Variants in ZFP36L2 observed in about 807,000 individuals in gnomAD.
ZFP36L2 encodes ZFP36 like 2 zinc finger CCCH-type, also known as mRNA decay activator protein ZFP36L2.
Under a neutral mutation model 27.9 loss-of-function variants are expected in ZFP36L2, and 16 were observed. The observed-to-expected ratio is 0.57, with a 90% CI of 0.39 to 0.87. The LOEUF (loss-of-function observed/expected upper bound fraction) is 0.87, where lower values mean the gene tolerates loss of function less well. Ranked by LOEUF, ZFP36L2 falls within the 40% of genes least tolerant of loss-of-function variation. The pLI is 0.00. For synonymous variants in ZFP36L2, 600 were observed against 363.8 expected (o/e 1.65, Z -7.39); for missense variants, 989 against 726.9 (o/e 1.36, Z -4.15).
chr2:43,225,372 G>A lies in ZFP36L2; in HGVS notation c.432C>T (p.Gly144=), dbSNP rs546559004. 1.1e-5 allele frequency: 18 copies of A among 1,613,464 alleles called. No individual in the cohort carries two copies. In the East Asian group the frequency reaches 3.3e-4, roughly 30 times the overall value. ...LLHLQQQQKG[G]GGSQINSTRY... The stretch of plus-strand genomic sequence containing the variant: ...GCGTGGAGTTGATCTGGGAGCCGCC[G>A]CCCCCCTTCTGCTGCTGCTGCAGGT... The change falls in exon 2 of 2, where the codon GGC becomes GGT. Residue 144 remains glycine (G), a synonymous_variant. Transcript: ENST00000282388.
chr2:43,224,750 C>A lies in ZFP36L2; in HGVS notation c.1054G>T (p.Ala352Ser), dbSNP rs868572680. The A allele has an allele frequency of 6.6e-7, 1 of 1,508,500 alleles. No individual in the cohort carries two copies. The highest frequency in any genetic ancestry group is 1.2e-5 in the South Asian group (1 of 81,490). The allele number at this position is 1,508,500 out of a possible 1,614,324, so 93.4% of individuals were successfully genotyped here. The stretch of plus-strand genomic sequence containing the variant: ...TTGGCGCACGAGGCCGACGAGCAGG[C>A]CGCGCACGGGGCCCCCGGCGCCAGC... ...DLLAPGAPCAACSSASCANNA... is the reference protein window; with the variant it reads ...DLLAPGAPCASCSSASCANNA... The change falls in exon 2 of 2, where the codon GCC becomes TCC. Residue 352 changes from alanine (A) to serine (S), a missense_variant. Physicochemically the swap from Ala to Ser is moderately conservative, Grantham distance 99. Coordinates refer to ENST00000282388, the MANE Select transcript of ZFP36L2 (RefSeq NM_006887.5).
intron 1 of ZFP36L2, 129 bp downstream of exon 1, chr2:43,226,135 CT>C (rs1667097929): frequency 2.2e-6 from 3 of 1,365,664 alleles, no homozygotes; most frequent in Admixed American, 4.2e-5. Flanking sequence ...CTCGGACACT[CT>C]TTTGCAAACC....
At position 43,225,731 on chromosome 2, in the gene ZFP36L2, G is replaced by C. The variant is rs1274350339; in HGVS notation, c.73C>G (p.Leu25Val). The change falls in exon 2 of 2, where the codon CTC becomes GTC. Residue 25 changes from leucine to valine, a missense_variant. Coordinates refer to ENST00000282388, the MANE Select transcript of ZFP36L2 (RefSeq NM_006887.5). Reference protein sequence around the residue: ...LCKTEKSLANLNLNNMLDKKA... With the variant: ...LCKTEKSLANVNLNNMLDKKA... ...TTGTCCAGCATGTTGTTCAGGTTGA[G>C]GTTGGCCAGGGATTTCTCTGTCTGC... 5 of 1,593,628 alleles carry C rather than the reference G, an allele frequency of 3.1e-6. No individual in the cohort carries two copies. The highest frequency in any genetic ancestry group is 4.2e-6 in the Non-Finnish European group (5 of 1,178,050).
chr2:43,226,155 T>C, intron 1 of ZFP36L2, 110 bp downstream of exon 1: 1 of 1,458,830 alleles, frequency 6.9e-7, no homozygotes, highest in Admixed American at 2.0e-5. Flanking sequence ...CCCCGGGACT[T>C]TCCCGACCTG....
chr2:43,224,337 G>A lies in ZFP36L2; in HGVS notation c.1467C>T (p.Leu489=), dbSNP rs769108748. The A allele has an allele frequency of 6.3e-7, 1 of 1,577,910 alleles. No homozygotes were observed. ...PGRRLPIFSR[L]SISDD ...TCTTGCCTCAGTCGTCGGAGATGGAGAGGCGGCTGAAGATTGGCAGGCGGC... is the reference window on the plus strand; with the variant it reads ...TCTTGCCTCAGTCGTCGGAGATGGAAAGGCGGCTGAAGATTGGCAGGCGGC... The change falls in exon 2 of 2, where the codon CTC becomes CTT. Residue 489 remains leucine, a synonymous_variant. Transcript: ENST00000282388.
intron 1 of ZFP36L2, 88 bp from the exon 2 acceptor site, chr2:43,225,840 T>C: frequency 7.3e-7 from 1 of 1,370,914 alleles, no homozygotes; most frequent in Non-Finnish European, 9.8e-7. Context: ...CCCAGCCTGA[T>C]TCTTTTCCTT....
In ZFP36L2 at chr2:43,225,346, C is replaced by T. The variant is rs2103976563; in HGVS notation, c.458G>A (p.Arg153His). 1 of 1,613,458 alleles carries T rather than the reference C, an allele frequency of 6.2e-7. No individual in the cohort carries two copies. The highest frequency in any genetic ancestry group is 8.5e-7 in the Non-Finnish European group (1 of 1,179,986). ...GGGCCGGCACAGCTCGGTCTTGTAG[C>T]GCGTGGAGTTGATCTGGGAGCCGCC... ...GGGGSQINSTRYKTELCRPFE... is the reference protein window; with the variant it reads ...GGGGSQINSTHYKTELCRPFE... The change falls in exon 2 of 2, where the codon CGC becomes CAC. Residue 153 changes from arginine (R) to histidine (H), a missense_variant. Transcript: ENST00000282388.
At position 43,224,999 on chromosome 2, in the gene ZFP36L2, G is replaced by A; in HGVS notation, c.805C>T (p.Gln269Ter). Residue 269 changes from glutamine to a stop codon, truncating the protein, a stop_gained, in exon 2 of 2, where the codon CAG becomes TAG. Transcript: ENST00000282388. LOFTEE classifies it high-confidence loss of function. ...SFSGFPSGHHQPPGGLESPLL... is the reference protein window; with the variant it reads ...SFSGFPSGHH The stretch of plus-strand genomic sequence containing the variant: ...GGCGACTCGAGGCCGCCCGGGGGCT[G>A]ATGGTGGCCCGACGGGAAGCCCGAG... 1 of 1,592,262 alleles carries A rather than the reference G, an allele frequency of 6.3e-7. No individual in the cohort carries two copies. Among genetic ancestry groups the A allele is most frequent in the Non-Finnish European group, 8.5e-7 (1 of 1,177,776 alleles).
chr2:43,226,386 G>A lies in ZFP36L2; in HGVS notation c.-71C>T. On this transcript the variant is annotated 5_prime_UTR_variant, in exon 1 of 2. Coordinates refer to ENST00000282388, the MANE Select transcript of ZFP36L2 (RefSeq NM_006887.5). ...GAGGAGCCCTTGGGGCGGCGTGGCC[G>A]GGCTTGAGCCACGACGAATAACGGG... 6.5e-7 allele frequency: 1 copy of A among 1,540,572 alleles called. No homozygotes were observed. Among genetic ancestry groups the A allele is most frequent in the Non-Finnish European group, 8.8e-7 (1 of 1,137,708 alleles).
Position 43,224,525 on chromosome 2 carries a change from G to A in ZFP36L2, c.1279C>T (p.Pro427Ser), listed in dbSNP as rs1181755861. The A allele has an allele frequency of 6.1e-6, 9 of 1,471,442 alleles. No individual in the cohort carries two copies. Among genetic ancestry groups the A allele is most frequent in the African/African-American group, 1.5e-5 (1 of 68,308 alleles). The allele number at this position is 1,471,442 out of a possible 1,614,324, so 91.1% of individuals were successfully genotyped here. ...LPAGAAAPPSPPFSFQLPRRL... is the reference protein window; with the variant it reads ...LPAGAAAPPSSPFSFQLPRRL... ...CGCGGCAGCTGGAAGCTGAAGGGCG[G>A]CGAGGGAGGTGCGGCGGCCCCGGCG... The change falls in exon 2 of 2, where the codon CCG (proline) becomes TCG (serine). Residue 427 changes from proline to serine, a missense_variant. Coordinates refer to ENST00000282388, the MANE Select transcript of ZFP36L2 (RefSeq NM_006887.5).
At position 43,223,452 on chromosome 2, in the gene ZFP36L2, C is replaced by T. The variant is rs1469879484; in HGVS notation, c.*867G>A. ...CAAAATTTTCATTGTATACTTTTCA[C>T]AAGATAATAAATAAGTTAAATAGTT... On this transcript the variant is annotated 3_prime_UTR_variant, in exon 2 of 2. Coordinates refer to ENST00000282388, the MANE Select transcript of ZFP36L2 (RefSeq NM_006887.5). The T allele has an allele frequency of 6.6e-6, 1 of 152,190 alleles. No individual in the cohort carries two copies. The highest frequency in any genetic ancestry group is 1.9e-4 in the East Asian group (1 of 5,300). The allele number at this position is 152,190 out of a possible 1,614,324, so 9.4% of individuals were successfully genotyped here.
At position 43,226,307 on chromosome 2, in the gene ZFP36L2, G is replaced by C. The variant is rs1459838675; in HGVS notation, c.9C>G (p.Thr3=). The C allele has an allele frequency of 1.3e-6, 2 of 1,586,466 alleles. No individual in the cohort carries two copies. Among genetic ancestry groups the C allele is most frequent in the African/African-American group, 2.7e-5 (2 of 74,292 alleles). ...CATCGTAGAAGGCGGACAGAAGTGT[G>C]GTCGACATGTTTCTGGATCCCGCAG... MS[T]TLLSAFYDVD... Residue 3 remains threonine, a synonymous_variant, in exon 1 of 2, where the codon ACC becomes ACG. Coordinates refer to ENST00000282388, the MANE Select transcript of ZFP36L2 (RefSeq NM_006887.5).
rs182373932 is a variant in ZFP36L2, at chr2:43,226,235, G to A, written c.51+30C>T. The stretch of plus-strand genomic sequence containing the variant: ...GCAAAGTCCAAGAACTACAACGGCT[G>A]CTGCCGGCCGGGCCCGCTCCCTGGC... On this transcript the variant is annotated intron_variant, in intron 1 of 1. Transcript: ENST00000282388. 445 of 1,563,334 alleles carry A rather than the reference G, an allele frequency of 2.8e-4. 2 individuals carry two copies. In the African/African-American group the frequency reaches 5.7e-3, roughly 20 times the overall value.
rs1287505568 is a variant in ZFP36L2, at chr2:43,224,996, G to A, written c.808C>T (p.Pro270Ser). 1 of 1,591,302 alleles carries A rather than the reference G, an allele frequency of 6.3e-7. No homozygotes were observed. Among genetic ancestry groups the A allele is most frequent in the Non-Finnish European group, 8.5e-7 (1 of 1,177,518 alleles). ...AGCGGCGACTCGAGGCCGCCCGGGG[G>A]CTGATGGTGGCCCGACGGGAAGCCC... ...FSGFPSGHHQPPGGLESPLLL... is the reference protein window; with the variant it reads ...FSGFPSGHHQSPGGLESPLLL... The change falls in exon 2 of 2, where the codon CCC becomes TCC. Residue 270 changes from proline to serine, a missense_variant. Physicochemically the swap from Pro to Ser is moderately conservative, Grantham distance 74 (BLOSUM62 -1). Transcript: ENST00000282388.
chr2:43,224,369 G>T lies in ZFP36L2; in HGVS notation c.1435C>A (p.Pro479Thr). The T allele has an allele frequency of 6.4e-7, 1 of 1,560,676 alleles. No individual in the cohort carries two copies. ...LSGSESPSLD[P>T]GRRLPIFSRL... ...CTGAAGATTGGCAGGCGGCGGCCAG[G>T]GTCGAGGCTGGGAGACTCAGAGCCG... The change falls in exon 2 of 2, where the codon CCT (proline) becomes ACT (threonine). Residue 479 changes from proline (P) to threonine (T), a missense_variant. Physicochemically the swap from Pro to Thr is conservative, Grantham distance 38. Transcript: ENST00000282388.
At position 43,225,568 on chromosome 2, in the gene ZFP36L2, G is replaced by T. The variant is rs781621391; in HGVS notation, c.236C>A (p.Pro79Gln). Residue 79 changes from proline to glutamine, a missense_variant, in exon 2 of 2, where the codon CCG (proline) becomes CAG (glutamine). By Grantham distance (76) the Pro-to-Gln change is moderately conservative. Coordinates refer to ENST00000282388, the MANE Select transcript of ZFP36L2 (RefSeq NM_006887.5). ...PSPGSCSPKF[P>Q]GAANGSSCGS... ...GCAGCTGCTGCCGTTAGCGGCGCCCGGGAACTTGGGCGAGCAGCTGCCGGG... is the reference window on the plus strand; with the variant it reads ...GCAGCTGCTGCCGTTAGCGGCGCCCTGGAACTTGGGCGAGCAGCTGCCGGG... 3.2e-6 allele frequency: 5 copies of T among 1,566,904 alleles called. No individual in the cohort carries two copies. The East Asian group carries it at 1.2e-4, about 36-fold the overall frequency.
At position 43,224,982 on chromosome 2, in the gene ZFP36L2, G is replaced by A. The variant is rs746491242; in HGVS notation, c.822C>T (p.Leu274=). Residue 274 remains leucine, a synonymous_variant, in exon 2 of 2, where the codon CTC becomes CTT. Coordinates refer to ENST00000282388, the MANE Select transcript of ZFP36L2 (RefSeq NM_006887.5). ...GGCTGTCGAGCAGCAGCGGCGACTC[G>A]AGGCCGCCCGGGGGCTGATGGTGGC... ...PSGHHQPPGG[L]ESPLLLDSPT... 4 of 1,582,772 alleles carry A rather than the reference G, an allele frequency of 2.5e-6. No homozygotes were observed. Among genetic ancestry groups the A allele is most frequent in the Non-Finnish European group, 2.6e-6 (3 of 1,175,146 alleles).
chr2:43,226,127 C>A (rs1249909549), intron 1 of ZFP36L2, 138 bp downstream of exon 1: 4 of 1,268,812 alleles, frequency 3.2e-6, no homozygotes, highest in East Asian at 2.7e-5. Context: ...CCAGGGCGCT[C>A]GGACACTCTT....
In ZFP36L2 at chr2:43,224,976, C is replaced by A. The variant is rs749688497; in HGVS notation, c.828G>T (p.Ser276=). 13 of 1,579,884 alleles carry A rather than the reference C, an allele frequency of 8.2e-6. No individual in the cohort carries two copies. The highest frequency in any genetic ancestry group is 7.2e-5 in the Admixed American group (4 of 55,672). ...GHHQPPGGLE[S]PLLLDSPTSR... ...ACGTGGGGCTGTCGAGCAGCAGCGG[C>A]GACTCGAGGCCGCCCGGGGGCTGAT... Residue 276 remains serine, a synonymous_variant, in exon 2 of 2, where the codon TCG becomes TCT. Coordinates refer to ENST00000282388, the MANE Select transcript of ZFP36L2 (RefSeq NM_006887.5).
Sources: allele counts gnomAD v4.1 joint callset, GRCh38; gene constraint gnomAD v4.1.1; transcripts MANE v1.5; gene names NCBI Gene and HGNC (gene_info 2026-07-23, HGNC 2026-07-21).